The following SHISA9 variants were observed in gnomAD, a reference collection of about 807,000 sequenced individuals.
The protein encoded by SHISA9 is shisa family member 9.
A neutral mutation model predicts 38.0 loss-of-function variants in SHISA9; 13 were observed. That is an observed-to-expected ratio of 0.34 (90% CI 0.22 to 0.54). SHISA9 has a LOEUF of 0.54. Among genes scored for constraint, SHISA9 ranks in the 20% least tolerant of loss-of-function variants. SHISA9 has a pLI of 0.91. For synonymous variants in SHISA9, 275 were observed against 242.0 expected (o/e 1.14, Z -1.27); for missense variants, 538 against 575.8 (o/e 0.93, Z 0.67).
intron 2 of SHISA9, among the ~76,000 whole-genome samples, chr16:13,093,670 C>T (rs2141950506): frequency 6.6e-6 from 1 of 152,202 alleles, no homozygotes; most frequent in South Asian, 2.1e-4. Flanking sequence ...GGATTTTTGT[C>T]CAGGCGCCCA....
chr16:13,490,783 C>T, the SHISA9 span, among the ~76,000 whole-genome samples: 3 of 152,194 alleles, frequency 2.0e-5, no homozygotes, highest in East Asian at 1.9e-4. Flanking sequence ...AGGTGCTGAT[C>T]GGCCAACTGA....
chr16:13,296,510 T>C, the SHISA9 span, among the ~76,000 whole-genome samples: 1 of 151,972 alleles, frequency 6.6e-6, no homozygotes, highest in African/African-American at 2.4e-5. Context: ...AGGGCCACAT[T>C]CTGTCTGTGG....
the SHISA9 span, among the ~76,000 whole-genome samples, chr16:13,337,413 G>A: frequency 1.3e-5 from 2 of 152,040 alleles, no homozygotes; most frequent in African/African-American, 4.8e-5. Context: ...TGCCATGATT[G>A]TGAGGCCTCC....
the SHISA9 span, among the ~76,000 whole-genome samples, chr16:13,559,932 C>G: frequency 6.6e-6 from 1 of 152,164 alleles, no homozygotes; most frequent in African/African-American, 2.4e-5. Context: ...TCAGCAGTAG[C>G]TCTCTCAGGA....
the SHISA9 span, among the ~76,000 whole-genome samples, chr16:13,359,433 A>G: frequency 6.6e-6 from 1 of 152,244 alleles, no homozygotes; most frequent in Non-Finnish European, 1.5e-5. Context: ...CAGAGAGCAG[A>G]GATCATGCCA....
chr16:13,469,673 C>T, the SHISA9 span, among the ~76,000 whole-genome samples: 2 of 152,196 alleles, frequency 1.3e-5, no homozygotes, highest in African/African-American at 2.4e-5. Flanking sequence ...CACATCCCAC[C>T]TGTGCATCCA....
intron 2 of SHISA9, among the ~76,000 whole-genome samples, chr16:13,085,063 G>T (rs567724652): frequency 3.3e-5 from 5 of 152,262 alleles, no homozygotes; most frequent in African/African-American, 1.2e-4. Context: ...TGTTTGTGGG[G>T]CAGGTAATAG....
the SHISA9 span, among the ~76,000 whole-genome samples, chr16:13,294,933 G>A: frequency 6.6e-6 from 1 of 152,070 alleles, no homozygotes; most frequent in African/African-American, 2.4e-5. Flanking sequence ...CATGTGGGAG[G>A]CACTGTTCTG....
At chr16:13,163,922 A>G (rs530313423) in intron 2 of SHISA9, among the ~76,000 whole-genome samples, 2 of 152,212 alleles carry the variant, frequency 1.3e-5, no homozygotes, top group South Asian at 2.1e-4. Context: ...CTCATCTGCA[A>G]ATAAACACAG....
the SHISA9 span, among the ~76,000 whole-genome samples, chr16:13,440,401 G>A: frequency 2.0e-5 from 3 of 152,186 alleles, no homozygotes; most frequent in African/African-American, 4.8e-5. Context: ...GCTGTGTTGG[G>A]AATCAGGGAT....
At chr16:13,165,628 A>T (rs932443820) in intron 2 of SHISA9, among the ~76,000 whole-genome samples, 3 of 152,204 alleles carry the variant, frequency 2.0e-5, no homozygotes, top group African/African-American at 7.2e-5. Context: ...TCCTCAGACC[A>T]TGAGCAAAGG....
At chr16:13,401,583 G>C in the SHISA9 span, among the ~76,000 whole-genome samples, 1 of 152,112 alleles carries the variant, frequency 6.6e-6, no homozygotes, top group African/African-American at 2.4e-5. Flanking sequence ...CTTTAGGGTT[G>C]GTGCCCTTAT....
chr16:13,002,059 G>A (rs138577358), intron 2 of SHISA9, among the ~76,000 whole-genome samples: 2 of 152,244 alleles, frequency 1.3e-5, no homozygotes, highest in Non-Finnish European at 2.9e-5. Flanking sequence ...CTGGAATAGG[G>A]CCTGGCATCA....
At chr16:13,101,488 G>T (rs1185715432) in intron 2 of SHISA9, among the ~76,000 whole-genome samples, 1 of 152,192 alleles carries the variant, frequency 6.6e-6, no homozygotes, top group East Asian at 1.9e-4. Flanking sequence ...AGAAATACTG[G>T]TTAGTGCCAG....
At chr16:13,185,811 T>G (rs1268160421) in intron 2 of SHISA9, among the ~76,000 whole-genome samples, 21 of 152,138 alleles carry the variant, frequency 1.4e-4, no homozygotes, top group Non-Finnish European at 2.9e-5. Flanking sequence ...AATCTCTAAT[T>G]AGAAAGGGTT....
the SHISA9 span, among the ~76,000 whole-genome samples, chr16:13,308,676 C>G: frequency 6.6e-6 from 1 of 152,132 alleles, no homozygotes; most frequent in Non-Finnish European, 1.5e-5. Context: ...AAAGAAGACT[C>G]AATACAAGAC....
At chr16:13,071,849 T>C (rs2073522937) in intron 2 of SHISA9, among the ~76,000 whole-genome samples, 1 of 152,032 alleles carries the variant, frequency 6.6e-6, no homozygotes, top group Non-Finnish European at 1.5e-5. Context: ...TTTCACTATG[T>C]TGCCCAGGCC....
chr16:13,363,644 G>A, the SHISA9 span, among the ~76,000 whole-genome samples: 1 of 152,166 alleles, frequency 6.6e-6, no homozygotes, highest in African/African-American at 2.4e-5. Context: ...ACAAATGCAG[G>A]GATATGGGAT....
At chr16:12,934,619 T>C (rs1394699534) in intron 2 of SHISA9, among the ~76,000 whole-genome samples, 1 of 152,218 alleles carries the variant, frequency 6.6e-6, no homozygotes, top group Non-Finnish European at 1.5e-5. Flanking sequence ...TCGTTATGTC[T>C]CAAGGCAATA....
Sources: allele counts gnomAD v4.1 joint callset (sites outside exome capture counted in the v4.1 genomes callset), GRCh38; gene constraint gnomAD v4.1.1; transcripts MANE v1.5; gene names NCBI Gene and HGNC (gene_info 2026-07-23, HGNC 2026-07-21).